ZFHX3: variants seen among roughly 807,000 people sequenced by gnomAD.
The protein encoded by ZFHX3 is zinc finger homeobox 3.
In ZFHX3, 42 loss-of-function variants were observed where a neutral mutation model predicts 279.1. The observed-to-expected ratio is 0.15, with a 90% confidence interval of 0.12 to 0.19. ZFHX3 has a LOEUF of 0.19. Ranked by LOEUF, ZFHX3 falls within the 10% of genes least tolerant of loss-of-function variation. ZFHX3 has a pLI of 1.00. For missense variants in ZFHX3, 4,981 were observed against 4,754.0 expected (o/e 1.05, Z -1.40); for synonymous variants, 2,293 against 1,957.8 (o/e 1.17, Z -4.52).
intron 1 of ZFHX3, among the ~76,000 whole-genome samples, chr16:72,986,606 G>A (rs1328112142): frequency 6.6e-6 from 1 of 152,134 alleles, no homozygotes; most frequent in African/African-American, 2.4e-5. Context: ...AGACACCACC[G>A]TTTTCCTCGA....
At chr16:73,171,668 C>A (rs1460372141) in intron 5 of ZFHX3, among the ~76,000 whole-genome samples, 3 of 152,204 alleles carry the variant, frequency 2.0e-5, no homozygotes. Flanking sequence ...TCTGTTGACA[C>A]ACCCTGAGGG....
intron 1 of ZFHX3, among the ~76,000 whole-genome samples, chr16:72,997,846 G>A (rs1053623227): frequency 1.3e-5 from 2 of 151,904 alleles, no homozygotes; most frequent in East Asian, 1.9e-4. Context: ...TTGGGAGGCC[G>A]AGGCGGCAAG....
At chr16:73,337,902 G>A (rs1423854180) in intron 3 of ZFHX3, among the ~76,000 whole-genome samples, 3 of 130,392 alleles carry the variant, frequency 2.3e-5, no homozygotes, top group African/African-American at 8.4e-5. Context: ...CGGGGGGGGG[G>A]GTCCTCATCC....
intron 3 of ZFHX3, among the ~76,000 whole-genome samples, chr16:73,440,720 C>T (rs550679387): frequency 7.2e-5 from 11 of 152,304 alleles, no homozygotes; most frequent in African/African-American, 2.4e-4. Context: ...CCTAAGGGAA[C>T]CATCATGGCC....
chr16:73,435,874 A>T (rs1226225448), intron 3 of ZFHX3, among the ~76,000 whole-genome samples: 4 of 152,130 alleles, frequency 2.6e-5, no homozygotes, highest in Admixed American at 1.3e-4. Context: ...TGCAGACCTC[A>T]AGGGCATCCT....
Position 73,872,588 on chromosome 16 carries a change from C to A in ZFHX3, c.-1608+19063G>T, listed in dbSNP as rs2029865139. ...AGCTCATTTTCCTTGGCTCTGCATGCCCTCTGAATAGTACATGAATTGTCG... is the reference window on the plus strand; with the variant it reads ...AGCTCATTTTCCTTGGCTCTGCATGACCTCTGAATAGTACATGAATTGTCG... On this transcript the variant is annotated intron_variant, in intron 1 of 17. Transcript: ENST00000641206. Among the ~76,000 whole-genome samples, 3 of 151,268 alleles carry A rather than the reference C, an allele frequency of 2.0e-5. No homozygotes were observed. In the South Asian group the frequency reaches 6.3e-4, roughly 32 times the overall value.
intron 2 of ZFHX3, among the ~76,000 whole-genome samples, chr16:73,661,934 CAGGTTTGCACCT>C (rs934392244): frequency 6.7e-6 from 1 of 149,894 alleles, no homozygotes; most frequent in African/African-American, 2.4e-5. Context: ...CTGATTTTTT[CAGGTTTGCACCT>C]ATAACGTAGG....
intron 5 of ZFHX3, among the ~76,000 whole-genome samples, chr16:73,153,587 G>T (rs956747391): frequency 1.3e-5 from 2 of 152,132 alleles, no homozygotes; most frequent in Admixed American, 1.3e-4. Flanking sequence ...TCACCATTAC[G>T]GGCTTTAATT....
chr16:73,530,991 T>G (rs1383348434), intron 2 of ZFHX3, among the ~76,000 whole-genome samples: 2 of 152,196 alleles, frequency 1.3e-5, no homozygotes. Context: ...GTTTTTATGC[T>G]CCTAACGGGA....
At chr16:73,178,287 G>A (rs968142450) in intron 5 of ZFHX3, among the ~76,000 whole-genome samples, 3 of 151,810 alleles carry the variant, frequency 2.0e-5, no homozygotes, top group Admixed American at 6.6e-5. Context: ...ACAGGCACCC[G>A]CCACAACACC....
At chr16:72,837,314 CCAAACTGCTAA>C (rs1359155454) in intron 4 of ZFHX3, among the ~76,000 whole-genome samples, 3 of 152,188 alleles carry the variant, frequency 2.0e-5, no homozygotes, top group Non-Finnish European at 4.4e-5. Context: ...AACAAAGTGG[CCAAACTGCTAA>C]CAAACTGCTA....
chr16:73,560,784 C>T (rs753383677), intron 2 of ZFHX3, among the ~76,000 whole-genome samples: 10 of 152,112 alleles, frequency 6.6e-5, no homozygotes, highest in South Asian at 6.2e-4. Context: ...TCAGAGCCTC[C>T]GAAATCTCAC....
chr16:73,667,096 A>G (rs1597056020), intron 2 of ZFHX3, among the ~76,000 whole-genome samples: 1 of 152,092 alleles, frequency 6.6e-6, no homozygotes, highest in South Asian at 2.1e-4. Context: ...GGTTCAAGCG[A>G]TTCTCCTGCC....
chr16:73,042,448 G>A (rs1320941596), intron 1 of ZFHX3, among the ~76,000 whole-genome samples: 1 of 152,068 alleles, frequency 6.6e-6, no homozygotes, highest in African/African-American at 2.4e-5. Flanking sequence ...ATGGAGTCAG[G>A]AACAACCAAG....
At chr16:73,428,220 C>T (rs1191489383) in intron 3 of ZFHX3, among the ~76,000 whole-genome samples, 4 of 152,162 alleles carry the variant, frequency 2.6e-5, no homozygotes, top group Admixed American at 6.5e-5. Flanking sequence ...TCCCCTTCCC[C>T]AGTGACCCCA....
intron 3 of ZFHX3, among the ~76,000 whole-genome samples, chr16:73,329,663 T>TA (rs1484829441): frequency 6.6e-6 from 1 of 152,140 alleles, no homozygotes; most frequent in African/African-American, 2.4e-5. Flanking sequence ...TAGTCAGAGA[T>TA]AAAAATTAAT....
intron 4 of ZFHX3, among the ~76,000 whole-genome samples, chr16:73,310,019 C>T (rs970839007): frequency 2.7e-5 from 4 of 150,614 alleles, no homozygotes; most frequent in Admixed American, 2.0e-4. Flanking sequence ...AGCGATTCTC[C>T]TGCCTCAGCC....
chr16:73,568,905 G>A (rs1251339397), intron 2 of ZFHX3, among the ~76,000 whole-genome samples: 1 of 152,116 alleles, frequency 6.6e-6, no homozygotes, highest in African/African-American at 2.4e-5. Context: ...TGAGCTGCCG[G>A]TGGAAAGCCT....
intron 8 of ZFHX3, among the ~76,000 whole-genome samples, chr16:73,065,890 C>T (rs1965745308): frequency 6.6e-6 from 1 of 152,238 alleles, no homozygotes; most frequent in Admixed American, 6.5e-5. Context: ...GTTGGTTTCC[C>T]ATTCTCAGAA....
Sources: gnomAD v4.1 joint callset for allele counts (sites outside exome capture counted in the v4.1 genomes callset) on GRCh38, gnomAD v4.1.1 for gene constraint, MANE v1.5 for transcripts, NCBI Gene and HGNC (gene_info 2026-07-23, HGNC 2026-07-21) for gene names.